The following GALNTL6 variants were observed in gnomAD, a reference collection of about 807,000 sequenced individuals.
GALNTL6 encodes polypeptide N-acetylgalactosaminyltransferase-like 6.
Under a neutral mutation model 73.7 loss-of-function variants are expected in GALNTL6, and 46 were observed. That is an observed-to-expected ratio of 0.62 (90% confidence interval 0.49 to 0.80). The LOEUF (loss-of-function observed/expected upper bound fraction) is 0.80, where lower values mean the gene tolerates loss of function less well. Ranked by LOEUF, GALNTL6 falls within the 30% of genes least tolerant of loss-of-function variation. The pLI, the probability that GALNTL6 is intolerant of heterozygous loss-of-function variation, is 0.00. For missense variants in GALNTL6, 604 were observed against 755.0 expected (o/e 0.80, Z 2.34); for synonymous variants, 259 against 263.7 (o/e 0.98, Z 0.17).
chr4:172,886,822 C>A (rs1243735710), intron 8 of GALNTL6, among the ~76,000 whole-genome samples: 1 of 152,046 alleles, frequency 6.6e-6, no homozygotes, highest in Non-Finnish European at 1.5e-5. Flanking sequence ...TTATTAGTCT[C>A]TATTTTTAAG....
chr4:171,842,263 T>C (rs2110844926), intron 2 of GALNTL6, among the ~76,000 whole-genome samples: 1 of 152,272 alleles, frequency 6.6e-6, no homozygotes, highest in Admixed American at 6.5e-5. Context: ...ATATTAAGGG[T>C]TGGCCTGTCC....
In GALNTL6 at chr4:172,090,627, T is replaced by C. The variant is rs376555902; in HGVS notation, c.139-139029T>C. ...TCAGATGGATCAATTGCAAAAATTT[T>C]CTCCCATTCTGTAGGTTGCCTGTTC... On this transcript the variant is annotated intron_variant, in intron 2 of 12. Transcript: ENST00000506823. 1.3e-3 allele frequency among the ~76,000 whole-genome samples: 205 copies of C among 152,324 alleles called. 1 individual carries two copies. Among genetic ancestry groups the C allele is most frequent in the African/African-American group, 4.9e-3 (202 of 41,574 alleles).
intron 2 of GALNTL6, among the ~76,000 whole-genome samples, chr4:172,046,271 A>G (rs1345372462): frequency 1.3e-5 from 2 of 152,084 alleles, no homozygotes; most frequent in Non-Finnish European, 2.9e-5. Context: ...CGTACCCAGA[A>G]GTGAGCTTGT....
At chr4:171,925,329 T>C (rs1331342688) in intron 2 of GALNTL6, among the ~76,000 whole-genome samples, 1 of 152,098 alleles carries the variant, frequency 6.6e-6, no homozygotes, top group Non-Finnish European at 1.5e-5. Context: ...TTGTAAAAAC[T>C]AGAGGCAATA....
chr4:172,548,618 A>G (rs920206606), intron 5 of GALNTL6, among the ~76,000 whole-genome samples: 1 of 152,224 alleles, frequency 6.6e-6, no homozygotes, highest in Non-Finnish European at 1.5e-5. Context: ...TATGAACAAA[A>G]ATCAAATCTA....
chr4:172,419,758 T>C (rs1730985336), intron 5 of GALNTL6, among the ~76,000 whole-genome samples: 1 of 152,158 alleles, frequency 6.6e-6, no homozygotes, highest in African/African-American at 2.4e-5. Flanking sequence ...TTCTCACACA[T>C]AAATTTGAGT....
intron 5 of GALNTL6, among the ~76,000 whole-genome samples, chr4:172,671,895 T>C (rs555372562): frequency 6.6e-6 from 1 of 152,318 alleles, no homozygotes; most frequent in African/African-American, 2.4e-5. Context: ...GCCTGTTTTT[T>C]GGTTTGTTTG....
chr4:172,006,859 T>A (rs1218601110), intron 2 of GALNTL6, among the ~76,000 whole-genome samples: 1 of 152,080 alleles, frequency 6.6e-6, no homozygotes, highest in African/African-American at 2.4e-5. Flanking sequence ...GGATTTATTT[T>A]TTGATCCTCA....
intron 4 of GALNTL6, 91 bp downstream of exon 4, chr4:172,311,843 G>A (rs1199478482): frequency 1.2e-6 from 1 of 806,784 alleles, no homozygotes; most frequent in Non-Finnish European, 1.8e-6. Context: ...TGCGAGATAT[G>A]TAACCAAATA....
chr4:172,325,534 T>C (rs1359585819), intron 4 of GALNTL6, among the ~76,000 whole-genome samples: 1 of 151,956 alleles, frequency 6.6e-6, no homozygotes, highest in Non-Finnish European at 1.5e-5. Flanking sequence ...GCTGTGAGCC[T>C]GAGTTCCTTA....
At position 172,589,146 on chromosome 4, in the gene GALNTL6, T is replaced by C. The variant is rs1246164750; in HGVS notation, c.554-220215T>C. Among the ~76,000 whole-genome samples, 3 of 152,154 alleles carry C rather than the reference T, an allele frequency of 2.0e-5. No individual in the cohort carries two copies. In the East Asian group the frequency reaches 5.8e-4, roughly 29 times the overall value. On this transcript the variant is annotated intron_variant, in intron 5 of 12. Transcript: ENST00000506823. Reference sequence around the variant, plus strand: ...ATGGGAAAATAGGAGAAACACCTTGTGTTTGCTTTGTATTTAGGGATATAA... The same window carrying C: ...ATGGGAAAATAGGAGAAACACCTTGCGTTTGCTTTGTATTTAGGGATATAA...
intron 2 of GALNTL6, among the ~76,000 whole-genome samples, chr4:171,841,278 A>T (rs992577396): frequency 6.6e-6 from 1 of 152,210 alleles, no homozygotes; most frequent in African/African-American, 2.4e-5. Context: ...GATAAAGTGA[A>T]AAAAGAAAAC....
chr4:172,347,130 C>A (rs1741774640), intron 4 of GALNTL6, among the ~76,000 whole-genome samples: 1 of 151,710 alleles, frequency 6.6e-6, no homozygotes, highest in Non-Finnish European at 1.5e-5. Flanking sequence ...GCTAGGATGA[C>A]AGGCGTGTGC....
intron 2 of GALNTL6, among the ~76,000 whole-genome samples, chr4:172,143,859 G>C (rs1296511822): frequency 3.3e-5 from 5 of 151,702 alleles, no homozygotes; most frequent in African/African-American, 1.2e-4. Context: ...TTTTCCCTTG[G>C]GGCTTCCATA....
At chr4:173,039,311 T>G (rs1753811839) in intron 12 of GALNTL6, among the ~76,000 whole-genome samples, 2 of 152,200 alleles carry the variant, frequency 1.3e-5, no homozygotes, top group African/African-American at 4.8e-5. Context: ...AAATTTGAAT[T>G]TGTACATTCA....
chr4:172,493,306 T>C (rs1733956971), intron 5 of GALNTL6, among the ~76,000 whole-genome samples: 1 of 152,198 alleles, frequency 6.6e-6, no homozygotes, highest in Non-Finnish European at 1.5e-5. Context: ...AATGGGTTGC[T>C]ACCACTAACA....
chr4:172,850,512 G>A (rs890176531), intron 7 of GALNTL6, among the ~76,000 whole-genome samples: 28 of 152,052 alleles, frequency 1.8e-4, no homozygotes, highest in African/African-American at 6.0e-4. Context: ...ATACTTCACC[G>A]CTTGGTCACT....
chr4:172,282,397 G>A (rs1405472309), intron 3 of GALNTL6, among the ~76,000 whole-genome samples: 13 of 152,096 alleles, frequency 8.5e-5, no homozygotes, highest in East Asian at 1.9e-4. Context: ...TTATCATAGC[G>A]TACTAGTGGC....
intron 5 of GALNTL6, among the ~76,000 whole-genome samples, chr4:172,777,829 A>G (rs1739154761): frequency 1.3e-5 from 2 of 152,180 alleles, no homozygotes; most frequent in African/African-American, 4.8e-5. Flanking sequence ...ACCCGTAATT[A>G]CAACATTCAG....
Sources: allele counts gnomAD v4.1 joint callset (sites outside exome capture counted in the v4.1 genomes callset), GRCh38; gene constraint gnomAD v4.1.1; transcripts MANE v1.5; gene names NCBI Gene and HGNC (gene_info 2026-07-23, HGNC 2026-07-21).